The following HMCN2 variants were observed in gnomAD, a reference collection of about 807,000 sequenced individuals.
The protein encoded by HMCN2 is hemicentin 2.
A neutral mutation model predicts 377.5 loss-of-function variants in HMCN2; 325 were observed. That is an observed-to-expected ratio of 0.86 (90% confidence interval 0.79 to 0.94). The LOEUF (loss-of-function observed/expected upper bound fraction) is 0.94, where lower values mean the gene tolerates loss of function less well. HMCN2 is among the 40% of genes least tolerant of loss of function. The probability of loss-of-function intolerance (pLI) is 0.00; values close to 1 mark genes in which losing one functional copy is unlikely to be tolerated. For synonymous variants in HMCN2, 2,007 were observed against 2,046.8 expected (o/e 0.98, Z 0.53); for missense variants, 4,543 against 4,725.3 (o/e 0.96, Z 1.13).
In HMCN2 at chr9:130,428,515, G is replaced by C; in HGVS notation, c.14197+26G>C. On this transcript the variant is annotated intron_variant, in intron 93 of 97. Transcript: ENST00000683500. This position sits in a 1 kb window ranked among gnomAD's most constrained non-coding sequence, Gnocchi z 5.0. ...GTGATGGGGGCACAGCATGCGGCCT[G>C]TCCATACTCCTGGAAACCCAGAGGT... The C allele has an allele frequency of 6.5e-7, 1 of 1,536,096 alleles. No individual in the cohort carries two copies. Among genetic ancestry groups the C allele is most frequent in the Non-Finnish European group, 8.7e-7 (1 of 1,146,214 alleles).
chr9:130,377,482 C>G (rs992750831), intron 52 of HMCN2, among the ~76,000 whole-genome samples, 167 bp from the exon 53 acceptor site: 7 of 152,222 alleles, frequency 4.6e-5, no homozygotes, highest in Non-Finnish European at 1.0e-4. Context: ...TGTGGCCCTT[C>G]TCATCTTTAG....
chr9:130,392,857 C>A (rs12554566), intron 66 of HMCN2, among the ~76,000 whole-genome samples: 15 of 151,132 alleles, frequency 9.9e-5, no homozygotes, highest in Middle Eastern at 3.4e-3. Context: ...TTAGCCGGGC[C>A]TGGTGGCGGG....
At chr9:130,276,017 GA>G (rs1834673910) in intron 1 of HMCN2, among the ~76,000 whole-genome samples, 2 of 151,990 alleles carry the variant, frequency 1.3e-5, no homozygotes, top group South Asian at 4.1e-4. Context: ...CTGTGCAGGG[GA>G]GGGGTGCTAG....
intron 15 of HMCN2, among the ~76,000 whole-genome samples, chr9:130,315,176 TCCTCCCTTCCTCCCTCCCTCCCCTC>T (rs1837466637): frequency 1.2e-5 from 1 of 82,936 alleles, no homozygotes; most frequent in African/African-American, 5.0e-5. Context: ...ACGAGCTCCT[TCCTCCCTTCCTCCCTCCCTCCCCTC>T]CCTCCCCTCC....
At chr9:130,274,732 T>C (rs547807314) in intron 1 of HMCN2, among the ~76,000 whole-genome samples, 1 of 152,300 alleles carries the variant, frequency 6.6e-6, no homozygotes, top group Admixed American at 6.5e-5. Context: ...GTTAAAAAAT[T>C]ATAGTACGTA....
chr9:130,358,313 C>A, intron 35 of HMCN2, 77 bp from the exon 36 acceptor site: 4 of 1,296,888 alleles, frequency 3.1e-6, no homozygotes, highest in Non-Finnish European at 4.1e-6. Flanking sequence ...CCGGGCTCGG[C>A]AGCAGCCTGG....
chr9:130,364,475 CAG>C (rs1167317617), intron 40 of HMCN2, among the ~76,000 whole-genome samples: 1 of 152,232 alleles, frequency 6.6e-6, no homozygotes, highest in Admixed American at 6.5e-5. Flanking sequence ...AGAAATAACA[CAG>C]GGGGACCCTG....
In HMCN2 at chr9:130,399,652, G is replaced by A. The variant is rs1842772836; in HGVS notation, c.11605+20G>A. On this transcript the variant is annotated intron_variant, in intron 76 of 97. Transcript: ENST00000683500. ...TCCATGGTGAGTCGGGGCAGAGGTG[G>A]AGGGGGACACCTGGGGTGGGGGCAG... 1 of 1,277,912 alleles carries A rather than the reference G, an allele frequency of 7.8e-7. No individual in the cohort carries two copies. 79.2% of individuals were successfully genotyped at this position (1,277,912 alleles called of 1,614,324 possible).
intron 59 of HMCN2, 96 bp downstream of exon 59, chr9:130,384,894 G>A (rs1368160074): frequency 3.7e-6 from 3 of 800,084 alleles, no homozygotes; most frequent in Non-Finnish European, 5.5e-6. Flanking sequence ...GAGAGGGCCA[G>A]GAGGCACAGG....
intron 22 of HMCN2, among the ~76,000 whole-genome samples, chr9:130,334,600 G>C (rs1838616375): frequency 7.0e-6 from 1 of 142,478 alleles, no homozygotes; most frequent in Non-Finnish European, 1.5e-5. Flanking sequence ...CTTTTTAAGG[G>C]TTTGGTGAAG....
At chr9:130,309,483 C>T (rs1837095271) in intron 14 of HMCN2, among the ~76,000 whole-genome samples, 1 of 146,228 alleles carries the variant, frequency 6.8e-6, no homozygotes, top group African/African-American at 2.6e-5. Context: ...CCACAGCACT[C>T]CAGCCTAGGC....
chr9:130,429,997 T>C, intron 94 of HMCN2: 1 of 593,280 alleles, frequency 1.7e-6, no homozygotes, highest in Non-Finnish European at 2.9e-6. Flanking sequence ...CAGAGAGGCT[T>C]AGGAGAGGGA....
chr9:130,364,112 A>G (rs141572138), intron 40 of HMCN2, among the ~76,000 whole-genome samples: 217 of 152,332 alleles, frequency 1.4e-3, no homozygotes, highest in African/African-American at 5.0e-3. Context: ...TGGTTAATAC[A>G]TATTGTATGC....
rs550720356 is a variant in HMCN2 at position 130,414,375 on chromosome 9, C to T, written c.12961+3723C>T. 1.6e-4 allele frequency among the ~76,000 whole-genome samples: 25 copies of T among 152,326 alleles called. No homozygotes were observed. The highest frequency in any genetic ancestry group is 3.2e-4 in the Non-Finnish European group (22 of 68,028). ...TGACCATGGAAGCCTCATAGGGAACCTGGGCTTCCACGCTGACCTGGCGGA... is the reference window on the plus strand; with the variant it reads ...TGACCATGGAAGCCTCATAGGGAACTTGGGCTTCCACGCTGACCTGGCGGA... On this transcript the variant is annotated intron_variant, in intron 85 of 97. Coordinates refer to ENST00000683500, the MANE Select transcript of HMCN2 (RefSeq NM_001291815.2). This position sits in a 1 kb window ranked among gnomAD's most constrained non-coding sequence, Gnocchi z 4.4.
chr9:130,401,799 C>T (rs1427906362), intron 77 of HMCN2, among the ~76,000 whole-genome samples: 16 of 152,124 alleles, frequency 1.1e-4, no homozygotes, highest in Admixed American at 9.2e-4. Context: ...CCAGGCCAGG[C>T]GCAGGGACTC....
chr9:130,329,590 C>G (rs1409235810), intron 22 of HMCN2, among the ~76,000 whole-genome samples: 4 of 152,070 alleles, frequency 2.6e-5, no homozygotes, highest in Non-Finnish European at 5.9e-5. Flanking sequence ...TTACAGGCAC[C>G]TGCCATCATG....
rs937765189 is a variant in HMCN2 at position 130,306,947 on chromosome 9, G to C, written c.2086+9G>C. Reference sequence around the variant, plus strand: ...CACCCTCTACTACACAGGTACCCAGGCCACAAGCATCACCTTACAGGAGAA... The same window carrying C: ...CACCCTCTACTACACAGGTACCCAGCCCACAAGCATCACCTTACAGGAGAA... On this transcript the variant is annotated intron_variant, in intron 13 of 97. Transcript: ENST00000683500. 7 of 463,536 alleles carry C rather than the reference G, an allele frequency of 1.5e-5. No individual in the cohort carries two copies. Among genetic ancestry groups the C allele is most frequent in the African/African-American group, 2.0e-5 (1 of 49,890 alleles). 28.7% of individuals were successfully genotyped at this position (463,536 alleles called of 1,614,324 possible).
chr9:130,402,703 G>T (rs986959176), intron 77 of HMCN2, 86 bp from the exon 78 acceptor site: 12 of 776,532 alleles, frequency 1.5e-5, no homozygotes, highest in Non-Finnish European at 2.2e-5. Flanking sequence ...AGTGACCAGA[G>T]ACAGAGTGGG....
chr9:130,367,772 C>G (rs545121679), intron 43 of HMCN2, among the ~76,000 whole-genome samples: 7 of 151,856 alleles, frequency 4.6e-5, no homozygotes, highest in East Asian at 1.9e-4. Flanking sequence ...GACACCCCGT[C>G]TCTACTAAAA....
Sources: allele counts gnomAD v4.1 joint callset (sites outside exome capture counted in the v4.1 genomes callset), GRCh38; gene constraint gnomAD v4.1.1; non-coding constraint Gnocchi (gnomAD v3.1); transcripts MANE v1.5; gene names NCBI Gene and HGNC (gene_info 2026-07-23, HGNC 2026-07-21).